Variants in ETV5 observed in about 807,000 individuals in gnomAD.
The protein encoded by ETV5 is ETS variant transcription factor 5.
A neutral mutation model predicts 70.0 loss-of-function variants in ETV5; 10 were observed. The observed-to-expected ratio is 0.14, with a 90% CI of 0.09 to 0.24. The LOEUF (loss-of-function observed/expected upper bound fraction) is 0.24. Ranked by LOEUF, ETV5 falls within the 10% of genes least tolerant of loss-of-function variation. The pLI, the probability that ETV5 is intolerant of heterozygous loss-of-function variation, is 1.00. For missense variants in ETV5, 453 were observed against 651.2 expected (o/e 0.70, Z 3.31); for synonymous variants, 216 against 242.2 (o/e 0.89, Z 1.01).
chr3:186,061,716 AC>A (rs1713308421), intron 9 of ETV5, among the ~76,000 whole-genome samples: 2 of 152,016 alleles, frequency 1.3e-5, no homozygotes, highest in Admixed American at 1.3e-4. Context: ...CTCTGAGCCC[AC>A]CTCTCCAGGC....
At position 186,048,334 on chromosome 3, in the gene ETV5, A is replaced by C; in HGVS notation, c.*305T>G. On this transcript the variant is annotated 3_prime_UTR_variant, in exon 13 of 13. Coordinates refer to ENST00000306376, the MANE Select transcript of ETV5 (RefSeq NM_004454.3). The stretch of plus-strand genomic sequence containing the variant: ...CCGTTTTGCGGGTACTAACCTGAAC[A>C]AGATATTGCTTTGCATGTATTGTCC... The C allele has an allele frequency of 2.3e-6, 1 of 440,250 alleles. No homozygotes were observed. The highest frequency in any genetic ancestry group is 4.2e-6 in the Non-Finnish European group (1 of 239,966). 27.3% of individuals were successfully genotyped at this position (440,250 alleles called of 1,614,324 possible).
At chr3:186,059,746 C>T (rs1260826665) in intron 9 of ETV5, among the ~76,000 whole-genome samples, 1 of 152,172 alleles carries the variant, frequency 6.6e-6, no homozygotes, top group Non-Finnish European at 1.5e-5. Context: ...CTTATATCCT[C>T]CACCAAAGAT....
chr3:186,071,068 C>T (rs182923399), intron 7 of ETV5, among the ~76,000 whole-genome samples: 7 of 152,284 alleles, frequency 4.6e-5, no homozygotes, highest in East Asian at 3.9e-4. Flanking sequence ...ATTTATATAG[C>T]GCCTTTCCTC....
At chr3:186,106,581 T>G (rs533746354) in intron 1 of ETV5, among the ~76,000 whole-genome samples, 15 of 152,342 alleles carry the variant, frequency 9.8e-5, no homozygotes, top group African/African-American at 3.6e-4. Context: ...ACAGAGATAT[T>G]TGTGACATCT....
intron 7 of ETV5, among the ~76,000 whole-genome samples, chr3:186,067,166 G>A (rs1713466998): frequency 6.6e-6 from 1 of 152,210 alleles, no homozygotes; most frequent in Admixed American, 6.5e-5. Flanking sequence ...GCACGGTGGT[G>A]GCTCATGCCT....
intron 5 of ETV5, among the ~76,000 whole-genome samples, chr3:186,098,048 G>C (rs1714354039): frequency 6.6e-6 from 1 of 152,216 alleles, no homozygotes; most frequent in East Asian, 1.9e-4. Flanking sequence ...TGCTCGCTCA[G>C]TACGCTGTGT....
intron 5 of ETV5, 112 bp from the exon 6 acceptor site, chr3:186,081,287 T>C (rs1005888939): frequency 2.7e-6 from 3 of 1,118,672 alleles, no homozygotes; most frequent in East Asian, 5.6e-5. Context: ...TTGGAACTCA[T>C]GTCAAGTCAC....
chr3:186,070,246 G>A (rs1713569106), intron 7 of ETV5, among the ~76,000 whole-genome samples: 1 of 152,194 alleles, frequency 6.6e-6, no homozygotes, highest in African/African-American at 2.4e-5. Flanking sequence ...GTGACCTCCA[G>A]AAATCAGTTC....
intron 1 of ETV5, among the ~76,000 whole-genome samples, chr3:186,107,170 G>A (rs997267763): frequency 2.6e-5 from 4 of 152,170 alleles, no homozygotes; most frequent in Non-Finnish European, 5.9e-5. Context: ...TATTTTCAAA[G>A]TCAAAGGAAA....
At chr3:186,074,187 G>A (rs1713714138) in intron 7 of ETV5, among the ~76,000 whole-genome samples, 1 of 152,104 alleles carries the variant, frequency 6.6e-6, no homozygotes, top group Non-Finnish European at 1.5e-5. Flanking sequence ...TTTAGAAAGG[G>A]CACCATGAAT....
At chr3:186,079,180 G>A in intron 7 of ETV5, 1 of 792,614 alleles carries the variant, frequency 1.3e-6, no homozygotes, top group Non-Finnish European at 1.6e-6. Flanking sequence ...AGATAAAGAG[G>A]TCAGGTTTGG....
At chr3:186,080,973 G>C in intron 6 of ETV5, 73 bp downstream of exon 6, 1 of 1,516,776 alleles carries the variant, frequency 6.6e-7, no homozygotes, top group Non-Finnish European at 8.9e-7. Context: ...ACACTGGGAA[G>C]GAACATTCAG....
intron 5 of ETV5, among the ~76,000 whole-genome samples, chr3:186,094,287 TA>T (rs1714252826): frequency 6.6e-6 from 1 of 152,210 alleles, no homozygotes; most frequent in Non-Finnish European, 1.5e-5. Context: ...TCCTGATTCA[TA>T]GATGGTGACC....
At chr3:186,091,868 A>C (rs965946152) in intron 5 of ETV5, among the ~76,000 whole-genome samples, 2 of 152,256 alleles carry the variant, frequency 1.3e-5, no homozygotes, top group Non-Finnish European at 2.9e-5. Context: ...CCTTGCATGA[A>C]AATGGCTAGA....
chr3:186,066,206 T>A (rs1236835336), intron 7 of ETV5, 134 bp from the exon 8 acceptor site: 3 of 534,956 alleles, frequency 5.6e-6, no homozygotes, highest in Non-Finnish European at 8.1e-6. Flanking sequence ...TCTGGGCATT[T>A]TACCCTCTTC....
intron 5 of ETV5, among the ~76,000 whole-genome samples, chr3:186,092,191 T>C (rs552076457): frequency 1.3e-5 from 2 of 152,302 alleles, no homozygotes; most frequent in Middle Eastern, 3.4e-3. Context: ...CACTGGAAGA[T>C]TACTCTAGAA....
chr3:186,060,104 G>A (rs531110332), intron 9 of ETV5, among the ~76,000 whole-genome samples: 45 of 152,208 alleles, frequency 3.0e-4, no homozygotes, highest in Admixed American at 1.4e-3. Flanking sequence ...TGTTTTAATG[G>A]TCTTATTATA....
intron 5 of ETV5, chr3:186,095,083 A>C (rs1299770294): frequency 6.6e-6 from 1 of 152,216 alleles, no homozygotes; most frequent in African/African-American, 2.4e-5. Context: ...TGGGCAGCTT[A>C]GCTCTTCAAA....
chr3:186,103,347 C>A (rs1422426419), intron 5 of ETV5, among the ~76,000 whole-genome samples: 1 of 152,148 alleles, frequency 6.6e-6, no homozygotes, highest in Non-Finnish European at 1.5e-5. Flanking sequence ...AAATATCTCT[C>A]CAAATATAAA....
Sources: gnomAD v4.1 joint callset for allele counts (sites outside exome capture counted in the v4.1 genomes callset) on GRCh38, gnomAD v4.1.1 for gene constraint, MANE v1.5 for transcripts, NCBI Gene and HGNC (gene_info 2026-07-23, HGNC 2026-07-21) for gene names.